MEIG1: variants seen among roughly 807,000 people sequenced by gnomAD.
The protein encoded by MEIG1 is meiosis/spermiogenesis associated 1.
Under a neutral mutation model 11.3 loss-of-function variants are expected in MEIG1, and 12 were observed. The observed-to-expected ratio is 1.07, with a 90% CI of 0.68 to 1.73. The LOEUF (loss-of-function observed/expected upper bound fraction) is 1.73. Ranked by LOEUF, MEIG1 falls within the 40% of genes most tolerant of loss-of-function variation. The pLI is 0.00. For missense variants in MEIG1, 119 were observed against 104.9 expected, an observed-to-expected ratio of 1.13 and a Z score of -0.59; for synonymous variants, 41 against 33.2, an observed-to-expected ratio of 1.24 and a Z score of -0.81.
chr10:14,965,765 T>G (rs1843075589), intron 1 of MEIG1, among the ~76,000 whole-genome samples: 1 of 151,218 alleles, frequency 6.6e-6, no homozygotes, highest in South Asian at 2.1e-4. Flanking sequence ...ATTTTGACAA[T>G]CTACTGAGCA....
chr10:14,962,031 G>C (rs1230296194), intron 1 of MEIG1, among the ~76,000 whole-genome samples: 7 of 152,062 alleles, frequency 4.6e-5, no homozygotes, highest in African/African-American at 1.7e-4. Flanking sequence ...TCTTGAACTC[G>C]GACTCAAAGG....
At chr10:14,978,412 C>A (rs775613699) in intron 1 of MEIG1, among the ~76,000 whole-genome samples, 8 of 151,804 alleles carry the variant, frequency 5.3e-5, no homozygotes, top group Non-Finnish European at 1.0e-4. Context: ...GAATATTAGT[C>A]CAAAACCAAA....
downstream of MEIG1, among the ~76,000 whole-genome samples, chr10:14,975,720 T>C (rs981258148): frequency 6.6e-6 from 1 of 151,962 alleles, no homozygotes; most frequent in Non-Finnish European, 1.5e-5. Flanking sequence ...ACAGAAAGCG[T>C]ACACCACCCC....
At chr10:14,973,387 C>A (rs932248446), downstream of MEIG1, among the ~76,000 whole-genome samples, 2 of 152,116 alleles carry the variant, frequency 1.3e-5, no homozygotes, top group Non-Finnish European at 2.9e-5. Flanking sequence ...GAGTCCTTTG[C>A]CTCTTGCTGG....
chr10:14,978,906 A>G (rs577868536), intron 1 of MEIG1, among the ~76,000 whole-genome samples: 2 of 152,208 alleles, frequency 1.3e-5, no homozygotes, highest in Admixed American at 1.3e-4. Flanking sequence ...GTAATATTCT[A>G]TAGAAATGTT....
At chr10:14,957,020 C>T (rs547938337), upstream of MEIG1, among the ~76,000 whole-genome samples, 1 of 152,288 alleles carries the variant, frequency 6.6e-6, no homozygotes, top group East Asian at 1.9e-4. Flanking sequence ...CACCACTGCA[C>T]TCCAGTCTAG....
At chr10:14,972,933 T>TTGG, downstream of MEIG1, 3 of 246,158 alleles carry the variant, frequency 1.2e-5, no homozygotes, top group South Asian at 5.0e-5. Context: ...TGGTGCAATC[T>TTGG]CGATTCACTG....
chr10:14,960,947 T>A (rs959344894), intron 1 of MEIG1, among the ~76,000 whole-genome samples: 1 of 152,106 alleles, frequency 6.6e-6, no homozygotes, highest in African/African-American at 2.4e-5. Context: ...GAGAATCGCT[T>A]TAACCTGGGA....
intron 1 of MEIG1, among the ~76,000 whole-genome samples, chr10:14,965,096 A>G (rs1270353175): frequency 1.2e-5 from 1 of 86,834 alleles, no homozygotes; most frequent in Non-Finnish European, 2.8e-5. Context: ...TCCCTGTTAT[A>G]CCTTTAATGT....
chr10:14,977,387 A>C (rs992084680), downstream of MEIG1, among the ~76,000 whole-genome samples: 13 of 146,064 alleles, frequency 8.9e-5, no homozygotes, highest in African/African-American at 3.5e-4. Context: ...CTAATGCCAA[A>C]TGCGTGTACA....
chr10:14,983,316 A>C (rs1024062759), intron 1 of MEIG1, among the ~76,000 whole-genome samples: 2 of 151,920 alleles, frequency 1.3e-5, no homozygotes, highest in African/African-American at 4.8e-5. Context: ...GAAGTGCACA[A>C]CCCTTCTGTG....
Position 14,986,726 on chromosome 10 carries a change from C to T in MEIG1, n.67-70C>T, listed in dbSNP as rs964549333. 5.5e-5 allele frequency: 17 copies of T among 309,634 alleles called. No individual in the cohort carries two copies. In the Admixed American group the frequency reaches 6.8e-4, roughly 12 times the overall value. The allele number at this position is 309,634 out of a possible 1,614,324, so 19.2% of individuals were successfully genotyped here. On this transcript the variant is annotated intron_variant and non_coding_transcript_variant, in intron 1 of 2. Transcript: ENST00000467536. ...CTGAGTTCAAGCGCTTCTTGGGCCT[C>T]GGCCCTGCGAATAGCTGAGACTACA...
chr10:14,967,822 C>A (rs1300801032), intron 2 of MEIG1, among the ~76,000 whole-genome samples: 1 of 104,044 alleles, frequency 9.6e-6, no homozygotes, highest in Non-Finnish European at 2.2e-5. Context: ...TTTATGCATT[C>A]ATGACAAACC....
chr10:14,959,601 C>A (rs1328840355), intron 1 of MEIG1, 44 bp downstream of exon 1: 1 of 152,470 alleles, frequency 6.6e-6, no homozygotes, highest in African/African-American at 2.4e-5. Context: ...GCCCGCCAAC[C>A]CCTGCGCCCC....
At chr10:14,957,456 G>C (rs1842962503), upstream of MEIG1, among the ~76,000 whole-genome samples, 1 of 152,174 alleles carries the variant, frequency 6.6e-6, no homozygotes. Context: ...GCTAGGCAGT[G>C]TTAGGCCAGT....
chr10:14,981,463 G>A (rs897594679), intron 1 of MEIG1, among the ~76,000 whole-genome samples: 21 of 152,230 alleles, frequency 1.4e-4, no homozygotes, highest in East Asian at 3.9e-4. Flanking sequence ...AGTCCGAGGC[G>A]AGCAGAAAGC....
In MEIG1 at chr10:14,972,750, A is replaced by C; in HGVS notation, c.*109A>C. On this transcript the variant is annotated 3_prime_UTR_variant, in exon 3 of 3. Coordinates refer to ENST00000407572, the MANE Select transcript of MEIG1 (RefSeq NM_001080836.3). ...TAATTCAAGATGCAGTCTGCAGTTT[A>C]ATGTTTTGTGAAACACAAAAGCCAT... is the stretch of plus-strand genomic sequence containing the variant. The C allele has an allele frequency of 8.9e-7, 1 of 1,118,072 alleles. No individual in the cohort carries two copies. The highest frequency in any genetic ancestry group is 1.2e-6 in the Non-Finnish European group (1 of 806,758). 69.3% of individuals were successfully genotyped at this position (1,118,072 alleles called of 1,614,324 possible).
chr10:14,965,759 T>G (rs975207048), intron 1 of MEIG1, among the ~76,000 whole-genome samples: 1 of 151,146 alleles, frequency 6.6e-6, no homozygotes, highest in Admixed American at 6.6e-5. Context: ...GTGGATATTT[T>G]GACAATCTAC....
At chr10:14,976,523 A>C (rs1447330362), downstream of MEIG1, among the ~76,000 whole-genome samples, 1 of 151,934 alleles carries the variant, frequency 6.6e-6, no homozygotes, top group East Asian at 1.9e-4. Flanking sequence ...GGGTTTGTAC[A>C]CCTTGTCAAA....
Sources: allele counts gnomAD v4.1 joint callset (sites outside exome capture counted in the v4.1 genomes callset), GRCh38; gene constraint gnomAD v4.1.1; transcripts MANE v1.5; gene names NCBI Gene and HGNC (gene_info 2026-07-23, HGNC 2026-07-21).